HMGXB3: variants seen among roughly 807,000 people sequenced by gnomAD.
HMGXB3 encodes the protein HMG domain-containing protein 3.
In HMGXB3, 45 loss-of-function variants were observed where a neutral mutation model predicts 121.5. The observed-to-expected ratio is 0.37, with a 90% CI of 0.29 to 0.47. HMGXB3 has a LOEUF of 0.47. Among genes scored for constraint, HMGXB3 ranks in the 20% least tolerant of loss-of-function variants. The pLI is 0.99. For synonymous variants in HMGXB3, 590 were observed against 624.1 expected (o/e 0.95, Z 0.81); for missense variants, 1,376 against 1,602.2 (o/e 0.86, Z 2.41).
intron 7 of HMGXB3, among the ~76,000 whole-genome samples, chr5:150,026,122 G>A (rs375402186): frequency 8.7e-5 from 13 of 150,132 alleles, no homozygotes; most frequent in Admixed American, 6.0e-4. Context: ...GAGCTACCGC[G>A]CCCGGCCCCA....
intron 9 of HMGXB3, among the ~76,000 whole-genome samples, chr5:150,028,606 G>T (rs1269864487): frequency 5.0e-5 from 6 of 118,938 alleles, no homozygotes; most frequent in Admixed American, 1.0e-4. Context: ...TTGCTTTGTT[G>T]CCCAGGCCGG....
At chr5:150,036,568 T>A in intron 11 of HMGXB3, 68 bp from the exon 12 acceptor site, 1 of 1,397,466 alleles carries the variant, frequency 7.2e-7, no homozygotes, top group Non-Finnish European at 9.5e-7. Flanking sequence ...CCCAGACTTT[T>A]ATTATTTTAG....
intron 6 of HMGXB3, chr5:150,021,714 A>C: frequency 2.0e-6 from 1 of 512,202 alleles, no homozygotes; most frequent in South Asian, 1.4e-5. Context: ...TAGAACCTTG[A>C]CCACAAGTTT....
intron 9 of HMGXB3, among the ~76,000 whole-genome samples, chr5:150,029,815 T>G (rs1581258059): frequency 1.3e-5 from 2 of 152,250 alleles, no homozygotes; most frequent in South Asian, 2.1e-4. Context: ...GCTTTTACTT[T>G]GAGAACTGTT....
At position 150,000,829 on chromosome 5, in the gene HMGXB3, G is replaced by A. The variant is rs1011280578; in HGVS notation, c.-353G>A. 6.5e-6 allele frequency: 1 copy of A among 154,760 alleles called. No homozygotes were observed. Among genetic ancestry groups the A allele is most frequent in the African/African-American group, 2.4e-5 (1 of 41,522 alleles). 9.6% of individuals were successfully genotyped at this position (154,760 alleles called of 1,614,324 possible). On this transcript the variant is annotated 5_prime_UTR_variant, in exon 1 of 20. Transcript: ENST00000502717. ...CTGCCGTCTTCCTCGAGCTCCCCGG[G>A]GCTTGACCCCCGGGGCCCTCGGCAG...
In HMGXB3 at chr5:150,027,038, G is replaced by A; in HGVS notation, c.1655G>A (p.Arg552Lys). Reference protein sequence around the residue: ...FSLSDKTPSVRTCGLKPSTLK... With the variant: ...FSLSDKTPSVKTCGLKPSTLK... ...CTCTCAGATAAGACTCCCTCTGTGA[G>A]GACTTGTGGTCTGAAGCCAAGCACA... is the stretch of plus-strand genomic sequence containing the variant. Residue 552 changes from arginine (R) to lysine (K), a missense_variant, in exon 9 of 20, where the codon AGG (arginine) becomes AAG (lysine). Physicochemically the swap from Arg to Lys is conservative, Grantham distance 26. Transcript: ENST00000502717. 6.4e-7 allele frequency: 1 copy of A among 1,551,726 alleles called. No individual in the cohort carries two copies. Among genetic ancestry groups the A allele is most frequent in the Non-Finnish European group, 8.7e-7 (1 of 1,146,992 alleles).
intron 6 of HMGXB3, among the ~76,000 whole-genome samples, chr5:150,019,326 C>T (rs1756032590): frequency 6.6e-6 from 1 of 152,230 alleles, no homozygotes; most frequent in Middle Eastern, 3.4e-3. Context: ...TTATTTAACA[C>T]TCATCATCAG....
In HMGXB3 at chr5:150,014,238, A is replaced by G. The variant is rs181945055; in HGVS notation, c.909+1885A>G. On this transcript the variant is annotated intron_variant, in intron 5 of 19. Transcript: ENST00000502717. Reference sequence around the variant, plus strand: ...ACACCTAAATATTAACACCCATGGGATTTGCAGTCCCTATGTTCATGTCTA... The same window carrying G: ...ACACCTAAATATTAACACCCATGGGGTTTGCAGTCCCTATGTTCATGTCTA... Among the ~76,000 whole-genome samples, 99 of 152,258 alleles carry G rather than the reference A, an allele frequency of 6.5e-4. No individual in the cohort carries two copies. The Middle Eastern group carries it at 0.024, about 37-fold the overall frequency.
intron 4 of HMGXB3, 131 bp from the exon 5 acceptor site, chr5:150,012,124 C>T: frequency 9.6e-6 from 6 of 627,140 alleles, no homozygotes; most frequent in South Asian, 3.9e-5. Context: ...AAATTCATTC[C>T]TTTTGATAAG....
At chr5:150,037,280 C>A in intron 12 of HMGXB3, 120 bp from the exon 13 acceptor site, 1 of 967,704 alleles carries the variant, frequency 1.0e-6, no homozygotes, top group Non-Finnish European at 1.5e-6. Flanking sequence ...GTGGAAATAC[C>A]TACCTAGAAA....
At chr5:150,028,943 T>G (rs184451604) in intron 9 of HMGXB3, among the ~76,000 whole-genome samples, 3 of 152,286 alleles carry the variant, frequency 2.0e-5, no homozygotes, top group Non-Finnish European at 1.5e-5. Flanking sequence ...TAGCATATTT[T>G]TCTCCAGTCT....
At chr5:150,021,642 A>G (rs1251667014) in intron 6 of HMGXB3, 5 of 525,184 alleles carry the variant, frequency 9.5e-6, no homozygotes, top group Non-Finnish European at 1.5e-5. Flanking sequence ...TAACAATCTC[A>G]GAAGGACTGT....
intron 16 of HMGXB3, among the ~76,000 whole-genome samples, chr5:150,046,577 C>G (rs1251764984): frequency 6.6e-6 from 1 of 152,106 alleles, no homozygotes; most frequent in African/African-American, 2.4e-5. Context: ...CTTTGGGAGG[C>G]CCAGGCGGGC....
intron 5 of HMGXB3, among the ~76,000 whole-genome samples, chr5:150,016,809 C>T (rs1755970333): frequency 6.6e-6 from 1 of 152,054 alleles, no homozygotes; most frequent in Admixed American, 6.5e-5. Context: ...TTTTGTTCTG[C>T]CTTCTTCTGA....
At chr5:150,030,621 A>G in intron 9 of HMGXB3, 120 bp from the exon 10 acceptor site, 1 of 746,562 alleles carries the variant, frequency 1.3e-6, no homozygotes. Flanking sequence ...CAGAGGGCTC[A>G]TTTGGAGAAT....
intron 6 of HMGXB3, among the ~76,000 whole-genome samples, chr5:150,023,501 C>T (rs901917843): frequency 6.6e-6 from 1 of 152,188 alleles, no homozygotes; most frequent in Non-Finnish European, 1.5e-5. Context: ...GAAAACCTTT[C>T]TGAAGACAAC....
In HMGXB3 at chr5:150,018,552, C is replaced by T. The variant is rs931700932; in HGVS notation, c.910-14C>T. On this transcript the variant is annotated splice_polypyrimidine_tract_variant and intron_variant, in intron 5 of 19. Coordinates refer to ENST00000502717, the MANE Select transcript of HMGXB3 (RefSeq NM_014983.3). ...AGGTTGTTCTATTGATTCTGATGTG[C>T]TCTTTATTTACAGACCACTACATAT... 7.9e-6 allele frequency: 12 copies of T among 1,525,582 alleles called. No homozygotes were observed. The highest frequency in any genetic ancestry group is 9.7e-6 in the Non-Finnish European group (11 of 1,133,460). The allele number at this position is 1,525,582 out of a possible 1,614,324, so 94.5% of individuals were successfully genotyped here. A position where few individuals can be genotyped will look rare whatever the true frequency, so the allele number is the denominator to read the frequency against.
At chr5:150,008,706 A>G (rs1390485135) in intron 3 of HMGXB3, among the ~76,000 whole-genome samples, 1 of 152,216 alleles carries the variant, frequency 6.6e-6, no homozygotes, top group African/African-American at 2.4e-5. Context: ...CTATAAAATG[A>G]GTATCATTCA....
chr5:150,047,739 T>C lies in HMGXB3; in HGVS notation c.3066T>C (p.Phe1022=). 1 of 1,551,736 alleles carries C rather than the reference T, an allele frequency of 6.4e-7. No homozygotes were observed. Among genetic ancestry groups the C allele is most frequent in the Non-Finnish European group, 8.7e-7 (1 of 1,146,984 alleles). ...QHLLRQCGIP[F]GAEDSKDQLC... ...TGCTAAGGCAGTGTGGAATCCCCTTTGGGGCAGAAGACTCCAAGGTGAGTG... is the reference window on the plus strand; with the variant it reads ...TGCTAAGGCAGTGTGGAATCCCCTTCGGGGCAGAAGACTCCAAGGTGAGTG... The change falls in exon 17 of 20, where the codon TTT becomes TTC. Residue 1022 remains phenylalanine, a synonymous_variant. Transcript: ENST00000502717.
Sources: allele counts gnomAD v4.1 joint callset (sites outside exome capture counted in the v4.1 genomes callset), GRCh38; gene constraint gnomAD v4.1.1; transcripts MANE v1.5; gene names NCBI Gene and HGNC (gene_info 2026-07-23, HGNC 2026-07-21).